Variants in SORT1 observed in about 807,000 individuals in gnomAD.
The protein encoded by SORT1 is sortilin.
Under a neutral mutation model 101.7 loss-of-function variants are expected in SORT1, and 39 were observed. The ratio of observed to expected loss-of-function variants is 0.38; its 90% confidence interval spans 0.30 to 0.50. SORT1 has a LOEUF of 0.50. Ranked by LOEUF, SORT1 falls within the 20% of genes least tolerant of loss-of-function variation. SORT1 has a pLI of 0.90. For missense variants in SORT1, 878 were observed against 1,040.4 expected (o/e 0.84, Z 2.15); for synonymous variants, 396 against 393.7 (o/e 1.01, Z -0.07).
intron 14 of SORT1, among the ~76,000 whole-genome samples, chr1:109,323,825 G>C (rs1038946100): frequency 6.6e-6 from 1 of 152,198 alleles, no homozygotes; most frequent in African/African-American, 2.4e-5. Flanking sequence ...TTACACTTTA[G>C]GGGTAACTGG....
intron 11 of SORT1, among the ~76,000 whole-genome samples, chr1:109,329,553 G>A (rs1016518362): frequency 6.6e-6 from 1 of 152,060 alleles, no homozygotes; most frequent in African/African-American, 2.4e-5. Context: ...ATGTCCAGCC[G>A]GGGGTGGCTA....
chr1:109,361,610 G>A (rs1313432148), intron 3 of SORT1, among the ~76,000 whole-genome samples: 1 of 152,082 alleles, frequency 6.6e-6, no homozygotes, highest in Non-Finnish European at 1.5e-5. Context: ...CCATGACTAA[G>A]CCACTATAAA....
At chr1:109,339,175 C>T (rs1438284792) in intron 10 of SORT1, among the ~76,000 whole-genome samples, 1 of 152,166 alleles carries the variant, frequency 6.6e-6, no homozygotes, top group Non-Finnish European at 1.5e-5. Context: ...CCGCGCCCAG[C>T]GACTCTGATA....
intron 5 of SORT1, among the ~76,000 whole-genome samples, chr1:109,351,875 A>T (rs182955152): frequency 6.6e-6 from 1 of 152,264 alleles, no homozygotes; most frequent in East Asian, 1.9e-4. Flanking sequence ...GGTCTTGAAC[A>T]CTGGCCATGA....
chr1:109,313,959 T>G lies in SORT1; in HGVS notation c.*84A>C. 1 of 1,334,602 alleles carries G rather than the reference T, an allele frequency of 7.5e-7. No individual in the cohort carries two copies. The highest frequency in any genetic ancestry group is 1.0e-6 in the Non-Finnish European group (1 of 955,656). 82.7% of individuals were successfully genotyped at this position (1,334,602 alleles called of 1,614,324 possible). On this transcript the variant is annotated 3_prime_UTR_variant, in exon 20 of 20. Coordinates refer to ENST00000256637, the MANE Select transcript of SORT1 (RefSeq NM_002959.7). ...GAGCTGGGTCCCTCGCAATGGGAAA[T>G]TTATTTCCTGAAGTTGGAGCCACAG...
intron 3 of SORT1, among the ~76,000 whole-genome samples, chr1:109,356,932 G>A (rs986970753): frequency 1.3e-5 from 2 of 152,304 alleles, no homozygotes; most frequent in Admixed American, 6.5e-5. Context: ...AATGAAGACT[G>A]CTGTGCACTG....
At chr1:109,321,529 A>T (rs907871346) in intron 15 of SORT1, among the ~76,000 whole-genome samples, 1 of 152,208 alleles carries the variant, frequency 6.6e-6, no homozygotes, top group Non-Finnish European at 1.5e-5. Context: ...CCCTACTGGA[A>T]CACCAAAGGT....
At chr1:109,330,437 G>C (rs1648386528) in intron 11 of SORT1, among the ~76,000 whole-genome samples, 1 of 152,054 alleles carries the variant, frequency 6.6e-6, no homozygotes, top group Admixed American at 6.6e-5. Flanking sequence ...TGAGACAAAT[G>C]AAAAGGGAAA....
At chr1:109,340,630 C>G (rs1570921510) in intron 10 of SORT1, 94 bp downstream of exon 10, 2 of 1,287,886 alleles carry the variant, frequency 1.6e-6, no homozygotes, top group Non-Finnish European at 2.2e-6. Context: ...GTTGGCTTGG[C>G]AAGCAACATT....
intron 7 of SORT1, 60 bp downstream of exon 7, chr1:109,347,423 A>C: frequency 8.2e-7 from 1 of 1,223,924 alleles, no homozygotes; most frequent in Non-Finnish European, 1.2e-6. Context: ...TGCACAACCC[A>C]GAAAATTCTA....
At chr1:109,397,520 C>T (rs1342038334) in intron 1 of SORT1, 67 bp downstream of exon 1, 3 of 1,015,730 alleles carry the variant, frequency 3.0e-6, no homozygotes, top group Admixed American at 5.4e-5. Context: ...GCGGGGCGCA[C>T]GGGCCGGGAG....
intron 5 of SORT1, among the ~76,000 whole-genome samples, chr1:109,352,012 G>A (rs565351385): frequency 2.6e-5 from 4 of 151,540 alleles, no homozygotes; most frequent in South Asian, 4.2e-4. Context: ...GTGTACGCAC[G>A]TGCATGCACA....
chr1:109,339,377 A>C (rs540808662), intron 10 of SORT1, among the ~76,000 whole-genome samples: 1 of 152,218 alleles, frequency 6.6e-6, no homozygotes, highest in Non-Finnish European at 1.5e-5. Context: ...AAAAATTGTC[A>C]TAAGCACCAG....
At chr1:109,329,896 A>G (rs1175889618) in intron 11 of SORT1, among the ~76,000 whole-genome samples, 1 of 152,276 alleles carries the variant, frequency 6.6e-6, no homozygotes, top group Non-Finnish European at 1.5e-5. Flanking sequence ...CAATAGCAGC[A>G]GAATATACAT....
intron 6 of SORT1, among the ~76,000 whole-genome samples, chr1:109,348,017 G>A (rs1649713541): frequency 6.6e-6 from 1 of 152,182 alleles, no homozygotes; most frequent in South Asian, 2.1e-4. Context: ...GCATGCATTT[G>A]CCTGTTTTTT....
intron 11 of SORT1, among the ~76,000 whole-genome samples, chr1:109,330,668 G>A (rs61394658): frequency 0.19 from 28,700 of 151,688 alleles, 2,859 homozygotes; most frequent in Middle Eastern, 0.24. Flanking sequence ...TAACAGGAAA[G>A]ATCAATGAAA....
intron 11 of SORT1, among the ~76,000 whole-genome samples, chr1:109,331,510 G>A (rs775044770): frequency 1.1e-4 from 16 of 151,662 alleles, no homozygotes; most frequent in Non-Finnish European, 2.2e-4. Flanking sequence ...AATAAATTAG[G>A]TATAAAAGGG....
intron 19 of SORT1, 89 bp from the exon 20 acceptor site, chr1:109,314,146 T>C (rs1044812729): frequency 1.1e-5 from 17 of 1,598,030 alleles, no homozygotes; most frequent in South Asian, 3.3e-5. Flanking sequence ...CCAAATCTTA[T>C]GGTCATTAAG....
chr1:109,339,227 C>T (rs1034183333), intron 10 of SORT1, among the ~76,000 whole-genome samples: 2 of 152,162 alleles, frequency 1.3e-5, no homozygotes, highest in African/African-American at 4.8e-5. Context: ...GCCCTTCCCT[C>T]CCCATTCCTG....
Sources: gnomAD v4.1 joint callset for allele counts (sites outside exome capture counted in the v4.1 genomes callset) on GRCh38, gnomAD v4.1.1 for gene constraint, MANE v1.5 for transcripts, NCBI Gene and HGNC (gene_info 2026-07-23, HGNC 2026-07-21) for gene names.